Variants in ANKRD44 observed in about 807,000 individuals in gnomAD.
The protein encoded by ANKRD44 is serine/threonine-protein phosphatase 6 regulatory ankyrin repeat subunit B.
In ANKRD44, 35 loss-of-function variants were observed where a neutral mutation model predicts 116.0. The observed-to-expected ratio is 0.30, with a 90% CI of 0.23 to 0.40. The LOEUF (loss-of-function observed/expected upper bound fraction) is 0.40, where lower values mean the gene tolerates loss of function less well. Among genes scored for constraint, ANKRD44 ranks in the 10% least tolerant of loss-of-function variants. ANKRD44 has a pLI of 1.00. For missense variants in ANKRD44, 1,014 were observed against 1,242.6 expected, an observed-to-expected ratio of 0.82 and a Z score of 2.77; for synonymous variants, 435 against 461.8, an observed-to-expected ratio of 0.94 and a Z score of 0.74.
In ANKRD44 at chr2:197,032,748, A is replaced by C. The variant is rs138240311; in HGVS notation, c.1651-7481T>G. On this transcript the variant is annotated intron_variant, in intron 16 of 27. Transcript: ENST00000282272. The stretch of plus-strand genomic sequence containing the variant: ...TTATTCATTGATCCCCATGCCAGGC[A>C]CTGAGATTACAACTCTAATATGGCC... Among the ~76,000 whole-genome samples, 410 of 152,344 alleles carry C rather than the reference A, an allele frequency of 2.7e-3. 1 individual carries two copies. Among genetic ancestry groups the C allele is most frequent in the African/African-American group, 9.3e-3 (385 of 41,588 alleles).
chr2:197,239,166 A>G (rs1046774232), intron 1 of ANKRD44, among the ~76,000 whole-genome samples: 2 of 152,242 alleles, frequency 1.3e-5, no homozygotes, highest in African/African-American at 4.8e-5. Flanking sequence ...AATGATCCCC[A>G]TTTTGTGAAA....
intron 1 of ANKRD44, among the ~76,000 whole-genome samples, chr2:197,299,257 T>C (rs1218663550): frequency 6.6e-6 from 1 of 152,196 alleles, no homozygotes; most frequent in African/African-American, 2.4e-5. Flanking sequence ...ATAGTCTGGA[T>C]TTTGTAATTT....
chr2:197,275,014 A>G (rs1192918217), intron 1 of ANKRD44, among the ~76,000 whole-genome samples: 1 of 151,248 alleles, frequency 6.6e-6, no homozygotes, highest in Non-Finnish European at 1.5e-5. Flanking sequence ...TGGTAGGAGG[A>G]CTGCTTGAAT....
At chr2:197,277,335 C>T (rs2083121700) in intron 1 of ANKRD44, among the ~76,000 whole-genome samples, 1 of 152,038 alleles carries the variant, frequency 6.6e-6, no homozygotes, top group Non-Finnish European at 1.5e-5. Context: ...TTTTAACCAT[C>T]ATGTCAGGCA....
At chr2:197,276,129 G>A (rs1206473275) in intron 1 of ANKRD44, among the ~76,000 whole-genome samples, 1 of 151,938 alleles carries the variant, frequency 6.6e-6, no homozygotes, top group Admixed American at 6.5e-5. Flanking sequence ...TAAAAAATTA[G>A]CCAGGCATGG....
chr2:197,048,520 C>T (rs998901167), intron 16 of ANKRD44, among the ~76,000 whole-genome samples: 2 of 152,210 alleles, frequency 1.3e-5, no homozygotes, highest in Non-Finnish European at 1.5e-5. Context: ...GACATGAACT[C>T]ATCCTTTTTT....
chr2:197,245,144 C>T (rs1387536688), intron 1 of ANKRD44, among the ~76,000 whole-genome samples: 2 of 152,072 alleles, frequency 1.3e-5, no homozygotes, highest in African/African-American at 2.4e-5. Context: ...CCTGTAATCC[C>T]AGCTCCTGGG....
chr2:197,098,002 G>A (rs2078202354), intron 10 of ANKRD44, among the ~76,000 whole-genome samples: 1 of 152,150 alleles, frequency 6.6e-6, no homozygotes, highest in Admixed American at 6.5e-5. Context: ...TATAACGACT[G>A]TTCCCTCTTC....
chr2:197,273,624 C>T (rs1016487247), intron 1 of ANKRD44, among the ~76,000 whole-genome samples: 6 of 152,076 alleles, frequency 3.9e-5, no homozygotes, highest in African/African-American at 1.4e-4. Flanking sequence ...GGGCGCAGGG[C>T]CTAGGAGCCA....
At chr2:197,227,390 G>T (rs910535939) in intron 1 of ANKRD44, among the ~76,000 whole-genome samples, 1 of 152,188 alleles carries the variant, frequency 6.6e-6, no homozygotes, top group African/African-American at 2.4e-5. Flanking sequence ...TAAGTATTGG[G>T]TGTCCCATTG....
chr2:197,138,817 C>T lies in ANKRD44; in HGVS notation c.191-2155G>A, dbSNP rs1176692456. Among the ~76,000 whole-genome samples the T allele has an allele frequency of 2.6e-5, 4 of 152,156 alleles. No individual in the cohort carries two copies. The East Asian group carries it at 7.7e-4, about 29-fold the overall frequency. ...TCAGACCATATGCAGTCCTAGAGAG[C>T]TGGAATTATTTTTATTATAGTCTTT... On this transcript the variant is annotated intron_variant, in intron 3 of 27. Transcript: ENST00000282272.
chr2:197,013,944 T>G (rs934782687), intron 17 of ANKRD44, among the ~76,000 whole-genome samples: 1 of 152,240 alleles, frequency 6.6e-6, no homozygotes, highest in Non-Finnish European at 1.5e-5. Flanking sequence ...TTCTCTTTTG[T>G]CACATAATTT....
In ANKRD44 at chr2:196,978,049, C is replaced by A. The variant is rs541114254; in HGVS notation, c.2369-10603G>T. ...TTGACTATAAAAGGAAATGAAGCAC[C>A]TCTATATGCTGATACAGTTTGGATG... On this transcript the variant is annotated intron_variant, in intron 21 of 21. Transcript: ENST00000424317. Among the ~76,000 whole-genome samples the A allele has an allele frequency of 2.0e-5, 3 of 152,234 alleles. No homozygotes were observed. In the South Asian group the frequency reaches 6.2e-4, roughly 32 times the overall value.
chr2:197,106,444 CAA>C (rs1003592408), intron 9 of ANKRD44, among the ~76,000 whole-genome samples: 2 of 151,078 alleles, frequency 1.3e-5, no homozygotes, highest in Non-Finnish European at 2.9e-5. Context: ...GATTTCATCC[CAA>C]AAAAAGAAAG....
At chr2:197,103,695 T>C (rs1316285337) in intron 9 of ANKRD44, among the ~76,000 whole-genome samples, 1 of 152,234 alleles carries the variant, frequency 6.6e-6, no homozygotes, top group Admixed American at 6.5e-5. Context: ...ATTGAGAAAG[T>C]ATTTTCTTAT....
At chr2:197,265,215 G>A (rs2082709453) in intron 1 of ANKRD44, among the ~76,000 whole-genome samples, 1 of 142,862 alleles carries the variant, frequency 7.0e-6, no homozygotes, top group Admixed American at 7.1e-5. Context: ...ACTTCCTTAA[G>A]TAACAGCACT....
chr2:197,001,929 G>T, intron 21 of ANKRD44, 89 bp from the exon 22 acceptor site: 1 of 948,710 alleles, frequency 1.1e-6, no homozygotes, highest in Non-Finnish European at 1.6e-6. Context: ...TGAGTTTTTG[G>T]TTTATGAATT....
intron 1 of ANKRD44, among the ~76,000 whole-genome samples, chr2:197,286,725 C>A (rs79974867): frequency 6.6e-6 from 1 of 151,634 alleles, no homozygotes; most frequent in Non-Finnish European, 1.5e-5. Flanking sequence ...TGAAACTGTA[C>A]GAATTGGTTT....
intron 26 of ANKRD44, 132 bp from the exon 27 acceptor site, chr2:196,993,806 G>GAA: frequency 3.0e-6 from 2 of 662,312 alleles, no homozygotes; most frequent in Non-Finnish European, 5.0e-6. Context: ...TTTTACTTAA[G>GAA]AAAAAAAAAT....
Sources: gnomAD v4.1 joint callset for allele counts (sites outside exome capture counted in the v4.1 genomes callset) on GRCh38, gnomAD v4.1.1 for gene constraint, MANE v1.5 for transcripts, NCBI Gene and HGNC (gene_info 2026-07-23, HGNC 2026-07-21) for gene names.